The following CCNY variants were observed in gnomAD, a reference collection of about 807,000 sequenced individuals.
CCNY encodes the protein cyclin-Y.
In CCNY, 19 loss-of-function variants were observed where a neutral mutation model predicts 42.8. That is an observed-to-expected ratio of 0.44 (90% confidence interval 0.31 to 0.65). The LOEUF (loss-of-function observed/expected upper bound fraction) is 0.65, where lower values mean the gene tolerates loss of function less well. Among genes scored for constraint, CCNY ranks in the 30% least tolerant of loss-of-function variants. The probability of loss-of-function intolerance (pLI) is 0.07; values close to 1 mark genes in which losing one functional copy is unlikely to be tolerated. For missense variants in CCNY, 370 were observed against 437.3 expected (o/e 0.85, Z 1.37); for synonymous variants, 165 against 162.7 (o/e 1.01, Z -0.11).
rs550544003 is a variant in CCNY, at chr10:35,448,050, C to T, written c.155-35354C>T. Among the ~76,000 whole-genome samples the T allele has an allele frequency of 6.0e-4, 92 of 152,330 alleles. 1 individual carries two copies. The highest frequency in any genetic ancestry group is 2.1e-3 in the African/African-American group (87 of 41,568). On this transcript the variant is annotated intron_variant, in intron 1 of 9. Coordinates refer to ENST00000374704, the MANE Select transcript of CCNY (RefSeq NM_145012.6). The stretch of plus-strand genomic sequence containing the variant: ...CTCAGCTGGCACCAGGTCACTGTCT[C>T]ATCCTCCAGCCAGTGAAGGAGACCG...
chr10:35,367,040 T>C (rs1836823970), intron 1 of CCNY, among the ~76,000 whole-genome samples: 1 of 152,220 alleles, frequency 6.6e-6, no homozygotes, highest in Non-Finnish European at 1.5e-5. Flanking sequence ...AAATTCCCTT[T>C]ATAAGCATTT....
chr10:35,499,828 T>A (rs936573120), intron 2 of CCNY, among the ~76,000 whole-genome samples: 158 of 152,308 alleles, frequency 1.0e-3, no homozygotes, highest in African/African-American at 3.6e-3. Context: ...TCCGGGTCCC[T>A]TCAGTCAGTG....
At chr10:35,466,748 G>A (rs757221119) in intron 1 of CCNY, among the ~76,000 whole-genome samples, 1 of 152,154 alleles carries the variant, frequency 6.6e-6, no homozygotes, top group South Asian at 2.1e-4. Flanking sequence ...TGGCAAAGCC[G>A]CAACTAAATT....
intron 1 of CCNY, among the ~76,000 whole-genome samples, chr10:35,404,329 A>G (rs1837710069): frequency 6.6e-6 from 1 of 152,156 alleles, no homozygotes; most frequent in African/African-American, 2.4e-5. Flanking sequence ...ACAGCCCTGC[A>G]CTTTGGCTGT....
At chr10:35,356,919 G>C (rs768402656) in intron 1 of CCNY, among the ~76,000 whole-genome samples, 1 of 152,146 alleles carries the variant, frequency 6.6e-6, no homozygotes, top group Non-Finnish European at 1.5e-5. Context: ...CCGTGGCTCA[G>C]AGTCATTGGT....
chr10:35,354,114 C>G (rs1050093335), intron 1 of CCNY, among the ~76,000 whole-genome samples: 1 of 152,108 alleles, frequency 6.6e-6, no homozygotes, highest in Admixed American at 6.5e-5. Flanking sequence ...CTGGCTTCCC[C>G]TGGACCAAGT....
At chr10:35,501,472 C>A in intron 2 of CCNY, 29 bp from the exon 3 acceptor site, 2 of 1,610,690 alleles carry the variant, frequency 1.2e-6, no homozygotes, top group Non-Finnish European at 1.7e-6. Context: ...AGGCATATAA[C>A]ATTTCTGTTG....
chr10:35,496,736 G>C (rs1467774583), intron 2 of CCNY, among the ~76,000 whole-genome samples: 2 of 152,148 alleles, frequency 1.3e-5, no homozygotes, highest in Non-Finnish European at 2.9e-5. Flanking sequence ...ACCTATGACA[G>C]GAATCAGCTG....
intron 3 of CCNY, among the ~76,000 whole-genome samples, chr10:35,263,540 T>TTAAAA (rs546536294): frequency 0.025 from 3,764 of 150,004 alleles, 156 homozygotes; most frequent in African/African-American, 0.084. Flanking sequence ...AGACCCTGTC[T>TTAAAA]TAAAATAAAA....
intron 7 of CCNY, among the ~76,000 whole-genome samples, chr10:35,546,964 G>A (rs925095765): frequency 2.6e-5 from 4 of 152,174 alleles, no homozygotes; most frequent in African/African-American, 7.2e-5. Context: ...GGTGAAGATT[G>A]AGTCACAGTC....
intron 4 of CCNY, among the ~76,000 whole-genome samples, chr10:35,521,862 G>T (rs1317154113): frequency 6.6e-6 from 1 of 152,114 alleles, no homozygotes; most frequent in Non-Finnish European, 1.5e-5. Context: ...GGGGCTTCGT[G>T]GCTGAAATAG....
chr10:35,527,163 A>G lies in CCNY; in HGVS notation c.401+1164A>G, dbSNP rs184497491. ...TTCATGGTTCTTTATGGTGCTTGAG[A>G]ATTTTGGATTTAAGAACTTACAAAA... On this transcript the variant is annotated intron_variant, in intron 5 of 9. Transcript: ENST00000374704. Among the ~76,000 whole-genome samples, 25 of 152,312 alleles carry G rather than the reference A, an allele frequency of 1.6e-4. No individual in the cohort carries two copies. In the East Asian group the frequency reaches 4.8e-3, roughly 29 times the overall value.
intron 3 of CCNY, among the ~76,000 whole-genome samples, chr10:35,318,226 C>CTAAA (rs550041080): frequency 0.017 from 2,615 of 151,146 alleles, 27 homozygotes; most frequent in East Asian, 0.019. Context: ...GACCCTATTT[C>CTAAA]TAAATAAATA....
intron 3 of CCNY, among the ~76,000 whole-genome samples, chr10:35,266,412 T>C (rs541884511): frequency 6.6e-6 from 1 of 152,150 alleles, no homozygotes; most frequent in South Asian, 2.1e-4. Flanking sequence ...AGATAACTTC[T>C]GAAGTGAGAA....
chr10:35,380,160 A>G (rs1431720423), intron 1 of CCNY, among the ~76,000 whole-genome samples: 1 of 152,228 alleles, frequency 6.6e-6, no homozygotes, highest in Non-Finnish European at 1.5e-5. Context: ...GCCAGGTACC[A>G]GTCTTAGATC....
rs146075101 is a variant in CCNY at position 35,555,742 on chromosome 10, ACT to A, written c.746+2560_746+2561del. Reference sequence around the variant, plus strand: ...AAAAACAACTGTTTTTTGTAAGTCAACTCTTTTTCTACACAGAGAAGTTAAAA... The same window carrying A: ...AAAAACAACTGTTTTTTGTAAGTCAACTTTTTCTACACAGAGAAGTTAAAA... On this transcript the variant is annotated intron_variant, in intron 8 of 9. Coordinates refer to ENST00000374704, the MANE Select transcript of CCNY (RefSeq NM_145012.6). 1.8e-3 allele frequency among the ~76,000 whole-genome samples: 269 copies of A among 152,188 alleles called. 8 individuals are homozygous for A. In the East Asian group the frequency reaches 0.041, roughly 23 times the overall value.
At chr10:35,529,236 CGTT>C (rs1400611369) in intron 5 of CCNY, among the ~76,000 whole-genome samples, 1 of 152,132 alleles carries the variant, frequency 6.6e-6, no homozygotes, top group Admixed American at 6.5e-5. Context: ...GAAGTAGTGA[CGTT>C]GCGTGTTGTG....
intron 3 of CCNY, among the ~76,000 whole-genome samples, chr10:35,258,399 T>G (rs932761711): frequency 2.6e-5 from 4 of 152,102 alleles, no homozygotes; most frequent in African/African-American, 9.7e-5. Context: ...TATCCCAGAC[T>G]TTAGTATCTG....
intron 1 of CCNY, among the ~76,000 whole-genome samples, chr10:35,479,620 G>C (rs1209536931): frequency 6.0e-5 from 8 of 133,278 alleles, no homozygotes; most frequent in East Asian, 2.5e-4. Flanking sequence ...GTGGGGGGAG[G>C]GGGGGGAGGG....
Sources: gnomAD v4.1 joint callset for allele counts (sites outside exome capture counted in the v4.1 genomes callset) on GRCh38, gnomAD v4.1.1 for gene constraint, MANE v1.5 for transcripts, NCBI Gene and HGNC (gene_info 2026-07-23, HGNC 2026-07-21) for gene names.